The following ANKRD62 variants were observed in gnomAD, a reference collection of about 807,000 sequenced individuals.
ANKRD62 encodes the protein ankyrin repeat domain-containing protein 62.
A neutral mutation model predicts 98.8 loss-of-function variants in ANKRD62; 61 were observed. The ratio of observed to expected loss-of-function variants is 0.62; its 90% CI spans 0.50 to 0.76. The LOEUF is 0.76. Ranked by LOEUF, ANKRD62 falls within the 30% of genes least tolerant of loss-of-function variation. ANKRD62 has a pLI of 0.00. For missense variants in ANKRD62, 933 were observed against 1,082.9 expected (o/e 0.86, Z 1.94); for synonymous variants, 341 against 367.9 (o/e 0.93, Z 0.84).
the ANKRD62 span, among the ~76,000 whole-genome samples, chr18:12,175,839 T>C: frequency 6.6e-6 from 1 of 151,984 alleles, no homozygotes; most frequent in Admixed American, 6.5e-5. Flanking sequence ...GAGTTTCAAA[T>C]TGTATTCTCC....
chr18:12,158,830 G>T, the ANKRD62 span, among the ~76,000 whole-genome samples: 1 of 151,956 alleles, frequency 6.6e-6, no homozygotes, highest in Non-Finnish European at 1.5e-5. Context: ...CACCGCGCCC[G>T]GCCAGAAATT....
the ANKRD62 span, among the ~76,000 whole-genome samples, chr18:12,166,687 G>C: frequency 2.4e-4 from 37 of 151,876 alleles, no homozygotes; most frequent in African/African-American, 8.0e-4. Flanking sequence ...CTTGATACTT[G>C]TAGCTGTTTA....
At chr18:12,112,215 A>G (rs1464835403) in intron 8 of ANKRD62, among the ~76,000 whole-genome samples, 3 of 152,146 alleles carry the variant, frequency 2.0e-5, no homozygotes, top group African/African-American at 7.2e-5. Context: ...ACTACAAGAA[A>G]CTATTTTAAA....
intron 6 of ANKRD62, 84 bp from the exon 7 acceptor site, chr18:12,103,071 GTTA>G (rs958333588): frequency 5.5e-5 from 52 of 942,056 alleles, no homozygotes; most frequent in Non-Finnish European, 6.7e-5. Context: ...AGAAAAATAT[GTTA>G]TTTTCTATTT....
the ANKRD62 span, among the ~76,000 whole-genome samples, chr18:12,156,439 C>T: frequency 1.3e-5 from 2 of 152,010 alleles, no homozygotes; most frequent in Admixed American, 6.6e-5. Flanking sequence ...TTTCTGCTTG[C>T]TTGCTTCTGT....
rs1429341047 is a variant in ANKRD62 at position 12,124,266 on chromosome 18, G to C, written c.1584G>C (p.Leu528=). ...TQTEVKKQSK[L]TLKSLEVELK... is the part of the protein sequence containing the mutation. Reference sequence around the variant, plus strand: ...CTGAAGTGAAAAAACAATCTAAACTGACTCTCAAATCATTGGAAGTGGAAT... The same window carrying C: ...CTGAAGTGAAAAAACAATCTAAACTCACTCTCAAATCATTGGAAGTGGAAT... Residue 528 remains leucine, a synonymous_variant, in exon 12 of 14, where the codon CTG becomes CTC. Coordinates refer to ENST00000587848, the MANE Select transcript of ANKRD62 (RefSeq NM_001277333.2). 16 of 1,323,338 alleles carry C rather than the reference G, an allele frequency of 1.2e-5. No homozygotes were observed. The highest frequency in any genetic ancestry group is 1.5e-5 in the Non-Finnish European group (15 of 969,676). 82.0% of individuals were successfully genotyped at this position (1,323,338 alleles called of 1,614,324 possible). A position where few individuals can be genotyped will look rare whatever the true frequency, so the allele number is the denominator to read the frequency against.
chr18:12,141,241 G>A, the ANKRD62 span, among the ~76,000 whole-genome samples: 2 of 152,226 alleles, frequency 1.3e-5, no homozygotes, highest in African/African-American at 4.8e-5. Context: ...GATTTTCAAG[G>A]TGCTGTCTGT....
At chr18:12,140,269 T>C in the ANKRD62 span, among the ~76,000 whole-genome samples, 1,774 of 152,320 alleles carry the variant, frequency 0.012, 32 homozygotes, top group African/African-American at 0.041. Flanking sequence ...TCAAAGTTTT[T>C]AACTTCTTTG....
At chr18:12,121,445 G>A (rs1279904381) in intron 10 of ANKRD62, among the ~76,000 whole-genome samples, 2 of 151,952 alleles carry the variant, frequency 1.3e-5, no homozygotes, top group African/African-American at 2.4e-5. Flanking sequence ...TCCACCGCTC[G>A]CCATCCCTTG....
chr18:12,136,831 A>T, the ANKRD62 span, among the ~76,000 whole-genome samples: 1,605 of 152,300 alleles, frequency 0.011, 23 homozygotes, highest in African/African-American at 0.036. Context: ...AAGTACACTC[A>T]TGATTTGGTT....
the ANKRD62 span, among the ~76,000 whole-genome samples, chr18:12,165,905 T>C: frequency 1.3e-5 from 2 of 152,130 alleles, no homozygotes; most frequent in South Asian, 4.1e-4. Context: ...AGATATACTA[T>C]TCTAGAGTAA....
rs1909937956 is a variant in ANKRD62 at position 12,128,432 on chromosome 18, T to C, written c.*493T>C. On this transcript the variant is annotated 3_prime_UTR_variant, in exon 14 of 14. Transcript: ENST00000587848. ...GTCTATAGTCAGAGTCATATGACTATGGACAGTTAGCATTTGCCAACATGT... is the reference window on the plus strand; with the variant it reads ...GTCTATAGTCAGAGTCATATGACTACGGACAGTTAGCATTTGCCAACATGT... 6.6e-6 allele frequency: 1 copy of C among 152,288 alleles called. No individual in the cohort carries two copies. The highest frequency in any genetic ancestry group is 6.5e-5 in the Admixed American group (1 of 15,280). The allele number at this position is 152,288 out of a possible 1,614,324, so 9.4% of individuals were successfully genotyped here.
intron 8 of ANKRD62, among the ~76,000 whole-genome samples, chr18:12,114,551 T>C (rs771663552): frequency 2.6e-5 from 4 of 152,216 alleles, no homozygotes; most frequent in Non-Finnish European, 5.9e-5. Flanking sequence ...CTTTATAAAA[T>C]ATCTATTATG....
chr18:12,098,632 A>C (rs8084767), intron 5 of ANKRD62: 36,603 of 152,242 alleles, frequency 0.24, 4,647 homozygotes, highest in Middle Eastern at 0.34. Context: ...GAAATTACAC[A>C]TTTTCATTAC....
the ANKRD62 span, among the ~76,000 whole-genome samples, chr18:12,139,374 G>A: frequency 2.6e-4 from 40 of 152,246 alleles, no homozygotes; most frequent in Middle Eastern, 3.4e-3. Context: ...GCTGGGCACG[G>A]TGGCTCATGC....
downstream of ANKRD62, among the ~76,000 whole-genome samples, chr18:12,133,515 G>A (rs1910036781): frequency 1.3e-5 from 2 of 152,078 alleles, no homozygotes; most frequent in Non-Finnish European, 1.5e-5. Flanking sequence ...AGTGTATGAG[G>A]GTTCCAATTT....
Position 12,099,667 on chromosome 18 carries a change from C to A in ANKRD62, c.805C>A (p.Gln269Lys). Residue 269 changes from glutamine (Q) to lysine (K), a missense_variant, in exon 6 of 14, where the codon CAA becomes AAA. Physicochemically the swap from Gln to Lys is moderately conservative, Grantham distance 53. Around this residue, in one of 3 missense-constraint regions of ANKRD62, gnomAD observed 549 missense variants for 587.9 expected, o/e 0.93. Coordinates refer to ENST00000587848, the MANE Select transcript of ANKRD62 (RefSeq NM_001277333.2). ...AGCAAACAAGAGATGTAAAAGTCTT[C>A]AAAATAGCAATTCAGGTATGACTTC... is the stretch of plus-strand genomic sequence containing the variant. ...YKANKRCKSL[Q>K]NSNSEQDLEM... The A allele has an allele frequency of 6.8e-7, 1 of 1,479,076 alleles. No homozygotes were observed. The highest frequency in any genetic ancestry group is 9.0e-7 in the Non-Finnish European group (1 of 1,114,674). The allele number at this position is 1,479,076 out of a possible 1,614,324, so 91.6% of individuals were successfully genotyped here.
At chr18:12,119,581 A>G (rs1488459961) in intron 10 of ANKRD62, among the ~76,000 whole-genome samples, 1 of 152,032 alleles carries the variant, frequency 6.6e-6, no homozygotes. Context: ...GTTGTGTAAG[A>G]ACACTAATCC....
At chr18:12,115,024 G>T (rs532535407) in intron 8 of ANKRD62, 64 bp from the exon 9 acceptor site, 1 of 1,221,296 alleles carries the variant, frequency 8.2e-7, no homozygotes, top group South Asian at 2.7e-5. Flanking sequence ...AAAAGTTTTA[G>T]ATATTCTTTG....
Sources: allele counts gnomAD v4.1 joint callset (sites outside exome capture counted in the v4.1 genomes callset), GRCh38; gene constraint gnomAD v4.1.1; regional missense constraint gnomAD v4.1.1; transcripts MANE v1.5; gene names NCBI Gene and HGNC (gene_info 2026-07-23, HGNC 2026-07-21).